Variants in RSBN1 observed in about 807,000 individuals in gnomAD.
The protein encoded by RSBN1 is lysine-specific demethylase 9.
A neutral mutation model predicts 74.8 loss-of-function variants in RSBN1; 23 were observed. That is an observed-to-expected ratio of 0.31 (90% CI 0.22 to 0.44). The LOEUF (loss-of-function observed/expected upper bound fraction) is 0.44, where lower values mean the gene tolerates loss of function less well. Ranked by LOEUF, RSBN1 falls within the 20% of genes least tolerant of loss-of-function variation. RSBN1 has a pLI of 1.00. For synonymous variants in RSBN1, 407 were observed against 379.6 expected (o/e 1.07, Z -0.84); for missense variants, 808 against 1,020.9 (o/e 0.79, Z 2.84).
intron 1 of RSBN1, among the ~76,000 whole-genome samples, chr1:113,802,139 A>G (rs1286981057): frequency 6.6e-6 from 1 of 152,012 alleles, no homozygotes; most frequent in Non-Finnish European, 1.5e-5. Context: ...ATTTTTTGGT[A>G]GAGACAGGGT....
In RSBN1 at chr1:113,768,409, TA is replaced by T. The variant is rs1438058507; in HGVS notation, c.1659-21del. On this transcript the variant is annotated intron_variant, in intron 4 of 6. Coordinates refer to ENST00000261441, the MANE Select transcript of RSBN1 (RefSeq NM_018364.5). ...ATTGATCTAGAGTTGATTTGGTTGT[TA>T]AACAAAGGGTAAGCAAGGAAGAAAG... The T allele has an allele frequency of 6.4e-7, 1 of 1,556,258 alleles. No homozygotes were observed. The highest frequency in any genetic ancestry group is 1.9e-5 in the Admixed American group (1 of 52,536).
rs144813744 is a variant in RSBN1, at chr1:113,807,244, G to A, written c.703+4466C>T. On this transcript the variant is annotated intron_variant, in intron 1 of 6. Transcript: ENST00000261441. Reference sequence around the variant, plus strand: ...TAGGAGAATCGCCTGAACCCAAGAGGTGGAGGTTGCAGTGAGCCAGGATCG... The same window carrying A: ...TAGGAGAATCGCCTGAACCCAAGAGATGGAGGTTGCAGTGAGCCAGGATCG... Among the ~76,000 whole-genome samples, 333 of 151,438 alleles carry A rather than the reference G, an allele frequency of 2.2e-3. 4 individuals carry two copies. Among genetic ancestry groups the A allele is most frequent in the African/African-American group, 7.7e-3 (319 of 41,236 alleles).
intron 2 of RSBN1, among the ~76,000 whole-genome samples, chr1:113,783,754 C>T (rs1207540107): frequency 1.3e-5 from 2 of 152,156 alleles, no homozygotes; most frequent in African/African-American, 4.8e-5. Context: ...AAGAGCTAGT[C>T]TCAATCATGC....
intron 2 of RSBN1, among the ~76,000 whole-genome samples, chr1:113,787,963 A>G (rs1179499059): frequency 6.6e-6 from 1 of 152,226 alleles, no homozygotes; most frequent in Non-Finnish European, 1.5e-5. Flanking sequence ...AGACTAAAAT[A>G]AAAATAAAAA....
At chr1:113,768,737 AG>A (rs1460180028) in intron 4 of RSBN1, among the ~76,000 whole-genome samples, 2 of 102,110 alleles carry the variant, frequency 2.0e-5, no homozygotes, top group Non-Finnish European at 3.9e-5. Flanking sequence ...GCTACTAGTG[AG>A]GCTGCCCTCA....
At chr1:113,799,101 A>G (rs1473943423) in intron 1 of RSBN1, among the ~76,000 whole-genome samples, 1 of 152,212 alleles carries the variant, frequency 6.6e-6, no homozygotes, top group East Asian at 1.9e-4. Flanking sequence ...CACTTAACAC[A>G]TGTACATTCT....
At position 113,764,727 on chromosome 1, in the gene RSBN1, T is replaced by C. The variant is rs1262529308; in HGVS notation, c.*1253A>G. 6.6e-6 allele frequency: 1 copy of C among 151,934 alleles called. No individual in the cohort carries two copies. Among genetic ancestry groups the C allele is most frequent in the African/African-American group, 2.4e-5 (1 of 41,328 alleles). 9.4% of individuals were successfully genotyped at this position (151,934 alleles called of 1,614,324 possible). A position where few individuals can be genotyped will look rare whatever the true frequency, so the allele number is the denominator to read the frequency against. On this transcript the variant is annotated 3_prime_UTR_variant, in exon 7 of 7. Coordinates refer to ENST00000261441, the MANE Select transcript of RSBN1 (RefSeq NM_018364.5). ...CCAGGGAGATATAAGAATCTGGTCT[T>C]AGGTGTGGGGAGTACTCTTCCATTA... is the stretch of plus-strand genomic sequence containing the variant.
chr1:113,772,424 T>C (rs1451913654), intron 4 of RSBN1, among the ~76,000 whole-genome samples: 1 of 152,120 alleles, frequency 6.6e-6, no homozygotes, highest in Non-Finnish European at 1.5e-5. Context: ...AAAGCCTTTT[T>C]AAAAAAGTAT....
intron 4 of RSBN1, among the ~76,000 whole-genome samples, chr1:113,773,670 A>T (rs1252621286): frequency 1.3e-5 from 2 of 152,170 alleles, no homozygotes; most frequent in Non-Finnish European, 2.9e-5. Flanking sequence ...GCCCATTAGA[A>T]ATGTGTATAC....
At chr1:113,782,037 T>G (rs752470727) in intron 2 of RSBN1, among the ~76,000 whole-genome samples, 61 of 152,172 alleles carry the variant, frequency 4.0e-4, no homozygotes, top group Non-Finnish European at 5.9e-5. Flanking sequence ...GAAAATCCTT[T>G]TTAAGGAAGA....
At position 113,808,161 on chromosome 1, in the gene RSBN1, T is replaced by C. The variant is rs189959032; in HGVS notation, c.703+3549A>G. 3.3e-4 allele frequency among the ~76,000 whole-genome samples: 50 copies of C among 152,330 alleles called. 1 individual carries two copies. The highest frequency in any genetic ancestry group is 2.2e-3 in the Admixed American group (34 of 15,300). ...TATATATAGTCATCCTTGGTATCCATGGAGGATTGGTTCCAGAGCCTCCCA... is the reference window on the plus strand; with the variant it reads ...TATATATAGTCATCCTTGGTATCCACGGAGGATTGGTTCCAGAGCCTCCCA... On this transcript the variant is annotated intron_variant, in intron 1 of 6. Coordinates refer to ENST00000261441, the MANE Select transcript of RSBN1 (RefSeq NM_018364.5).
At position 113,797,511 on chromosome 1, in the gene RSBN1, T is replaced by C. The variant is rs748809964; in HGVS notation, c.1229A>G (p.Tyr410Cys). The C allele has an allele frequency of 1.1e-5, 18 of 1,613,920 alleles. No individual in the cohort carries two copies. The highest frequency in any genetic ancestry group is 1.7e-5 in the Admixed American group (1 of 59,958). Residue 410 changes from tyrosine to cysteine, a missense_variant, in exon 2 of 7, where the codon TAT (tyrosine) becomes TGT (cysteine). This residue lies in a region of RSBN1 where 112 missense variants were observed against 257.3 expected (regional missense o/e 0.44). Coordinates refer to ENST00000261441, the MANE Select transcript of RSBN1 (RefSeq NM_018364.5). ...FSENEKNAAY[Y>C]ALAIVHGAAA... ...CGCTCCATGCACTATTGCTAAAGCA[T>C]AGTAAGCAGCATTTTTCTCATTTTC...
intron 4 of RSBN1, among the ~76,000 whole-genome samples, chr1:113,770,238 T>C (rs1659862932): frequency 6.6e-6 from 1 of 152,180 alleles, no homozygotes; most frequent in Non-Finnish European, 1.5e-5. Flanking sequence ...TTCTATTAGA[T>C]ATAGCCAAAT....
chr1:113,766,601 C>T (rs1659785940), intron 6 of RSBN1, 148 bp from the exon 7 acceptor site: 1 of 599,024 alleles, frequency 1.7e-6, no homozygotes, highest in Admixed American at 3.0e-5. Flanking sequence ...AGGTAACTCT[C>T]TAAAAATTCT....
Position 113,812,054 on chromosome 1 carries a change from T to C in RSBN1, c.359A>G (p.Gln120Arg), listed in dbSNP as rs747941217. The change falls in exon 1 of 7, where the codon CAA becomes CGA. Residue 120 changes from glutamine (Q) to arginine (R), a missense_variant. Physicochemically the swap from Gln to Arg is conservative, Grantham distance 43. Coordinates refer to ENST00000261441, the MANE Select transcript of RSBN1 (RefSeq NM_018364.5). The stretch of plus-strand genomic sequence containing the variant: ...CGTTGGCGGCAGCGGCCCAGGATGT[T>C]GGCGGCTGCGACGCCGCCGGTGAGG... ...APPHRRRRSR[Q>R]HPGPLPPTNA... 2 of 1,548,636 alleles carry C rather than the reference T, an allele frequency of 1.3e-6. No individual in the cohort carries two copies. The highest frequency in any genetic ancestry group is 1.7e-6 in the Non-Finnish European group (2 of 1,149,870).
At chr1:113,767,636 A>C (rs893289466) in intron 5 of RSBN1, among the ~76,000 whole-genome samples, 1 of 152,198 alleles carries the variant, frequency 6.6e-6, no homozygotes, top group Non-Finnish European at 1.5e-5. Context: ...TAGCCAAAAT[A>C]ATTGAATGCA....
chr1:113,788,222 T>C (rs566300856), intron 2 of RSBN1, among the ~76,000 whole-genome samples: 1 of 151,466 alleles, frequency 6.6e-6, no homozygotes, highest in African/African-American at 2.4e-5. Flanking sequence ...GATAAGAAAA[T>C]TGAGGTTGAA....
intron 2 of RSBN1, among the ~76,000 whole-genome samples, chr1:113,786,318 C>T (rs913998368): frequency 2.0e-5 from 3 of 152,164 alleles, no homozygotes; most frequent in African/African-American, 2.4e-5. Context: ...GGTTGAAAAA[C>T]GGCTTCCAAA....
At chr1:113,786,691 C>G (rs1295030539) in intron 2 of RSBN1, among the ~76,000 whole-genome samples, 1 of 152,110 alleles carries the variant, frequency 6.6e-6, no homozygotes, top group African/African-American at 2.4e-5. Context: ...TGTTTGGGGG[C>G]CAGGTACTGT....
Sources: allele counts gnomAD v4.1 joint callset (sites outside exome capture counted in the v4.1 genomes callset), GRCh38; gene constraint gnomAD v4.1.1; regional missense constraint gnomAD v4.1.1; transcripts MANE v1.5; gene names NCBI Gene and HGNC (gene_info 2026-07-23, HGNC 2026-07-21).